The following TACC2 variants were observed in gnomAD, a reference collection of about 807,000 sequenced individuals.
The protein encoded by TACC2 is transforming acidic coiled-coil-containing protein 2.
Under a neutral mutation model 227.3 loss-of-function variants are expected in TACC2, and 137 were observed. The ratio of observed to expected loss-of-function variants is 0.60; its 90% CI spans 0.52 to 0.69. The LOEUF is 0.69. Among genes scored for constraint, TACC2 ranks in the 30% least tolerant of loss-of-function variants. TACC2 has a pLI of 0.00. For synonymous variants in TACC2, 1,523 were observed against 1,487.5 expected, an observed-to-expected ratio of 1.02 and a Z score of -0.55; for missense variants, 3,470 against 3,694.4, an observed-to-expected ratio of 0.94 and a Z score of 1.57.
At chr10:122,082,346 A>G (rs1377565884) in intron 3 of TACC2, among the ~76,000 whole-genome samples, 8 of 152,176 alleles carry the variant, frequency 5.3e-5, no homozygotes. Flanking sequence ...GGTTTCCCAC[A>G]TTTTATACTA....
At chr10:122,196,996 C>T (rs1348996897) in intron 8 of TACC2, among the ~76,000 whole-genome samples, 1 of 150,502 alleles carries the variant, frequency 6.6e-6, no homozygotes, top group African/African-American at 2.4e-5. Context: ...CATGGTGGCT[C>T]ACGCCTGTAA....
rs1366801580 is a variant in TACC2 at position 122,050,078 on chromosome 10, C to T, written c.34-360C>T. ...ATGTGTTTTCATCTCAGGAGTGCCACAAACAAATTGGACACTTTCAAGTCT... is the reference window on the plus strand; with the variant it reads ...ATGTGTTTTCATCTCAGGAGTGCCATAAACAAATTGGACACTTTCAAGTCT... On this transcript the variant is annotated intron_variant, in intron 2 of 22. Coordinates refer to ENST00000369005, the MANE Select transcript of TACC2 (RefSeq NM_206862.4). The surrounding 1 kb of genome is among the most constrained non-coding windows in gnomAD (Gnocchi z 4.6). Among the ~76,000 whole-genome samples, 3 of 152,168 alleles carry T rather than the reference C, an allele frequency of 2.0e-5. No homozygotes were observed. Among genetic ancestry groups the T allele is most frequent in the African/African-American group, 7.2e-5 (3 of 41,432 alleles).
intron 2 of TACC2, among the ~76,000 whole-genome samples, chr10:122,036,293 C>T (rs1469330354): frequency 3.3e-5 from 5 of 149,556 alleles, no homozygotes; most frequent in South Asian, 2.1e-4. Flanking sequence ...CCTGGATTCA[C>T]GCCATTCTCC....
In TACC2 at chr10:122,084,839, A is replaced by G. The variant is rs562599269; in HGVS notation, c.2339A>G (p.His780Arg). Residue 780 changes from histidine (H) to arginine (R), a missense_variant, in exon 4 of 23, where the codon CAT becomes CGT. His to Arg is a conservative substitution (Grantham distance 29). Around this residue, in one of 10 missense-constraint regions of TACC2, gnomAD observed 1,924 missense variants for 1,978.3 expected, o/e 0.97. Coordinates refer to ENST00000369005, the MANE Select transcript of TACC2 (RefSeq NM_206862.4). ...SRQEFHAGVP[H>R]PPQGENLAAD... Reference sequence around the variant, plus strand: ...CAGGAATTTCATGCTGGGGTGCCACATCCCCCCCAGGGGGAGAACTTGGCA... The same window carrying G: ...CAGGAATTTCATGCTGGGGTGCCACGTCCCCCCCAGGGGGAGAACTTGGCA... 2.4e-5 allele frequency: 39 copies of G among 1,613,726 alleles called. No individual in the cohort carries two copies. The African/African-American group carries it at 3.1e-4, about 13-fold the overall frequency.
chr10:122,088,555 C>A lies in TACC2; in HGVS notation c.5537C>A (p.Thr1846Asn), dbSNP rs2080344321. The change falls in exon 5 of 23, where the codon ACT becomes AAT. Residue 1846 changes from threonine (T) to asparagine (N), a missense_variant. Transcript: ENST00000369005. Reference sequence around the variant, plus strand: ...GCTCCAAGAGTCATGGATAAAGTCACTTCAGATGAGACCAGAGGTGCGGAA... The same window carrying A: ...GCTCCAAGAGTCATGGATAAAGTCAATTCAGATGAGACCAGAGGTGCGGAA... ...KDAPRVMDKV[T>N]SDETRGAEGT... The A allele has an allele frequency of 6.2e-7, 1 of 1,613,676 alleles. No homozygotes were observed. Among genetic ancestry groups the A allele is most frequent in the Admixed American group, 1.7e-5 (1 of 59,942 alleles).
chr10:122,011,933 G>A (rs759244590), intron 1 of TACC2, among the ~76,000 whole-genome samples: 54 of 151,994 alleles, frequency 3.6e-4, no homozygotes, highest in Non-Finnish European at 7.4e-4. Context: ...TTTTGTTTTT[G>A]TTTGCTGGTT....
At chr10:122,024,688 C>T (rs2461216) in intron 2 of TACC2, among the ~76,000 whole-genome samples, 151,824 of 152,052 alleles carry the variant, frequency 1, 75,800 homozygotes, top group Middle Eastern at 1. Context: ...GGCTTTTTTT[C>T]TCTCTCAGCA....
chr10:122,174,540 G>A (rs1357250847), intron 7 of TACC2, among the ~76,000 whole-genome samples: 2 of 152,136 alleles, frequency 1.3e-5, no homozygotes, highest in African/African-American at 2.4e-5. Context: ...TGCATAAAGC[G>A]TTTAGGGAAC....
chr10:122,231,590 G>A (rs7081405), intron 16 of TACC2, among the ~76,000 whole-genome samples: 13,800 of 152,242 alleles, frequency 0.091, 1,790 homozygotes, highest in African/African-American at 0.29. Context: ...TCTCCTCGGT[G>A]GGTGGATCCG....
At chr10:122,026,247 G>C (rs1227694157) in intron 2 of TACC2, among the ~76,000 whole-genome samples, 1 of 139,344 alleles carries the variant, frequency 7.2e-6, no homozygotes. Flanking sequence ...AGAATAGCAT[G>C]AACCCGGGAG....
At position 122,227,948 on chromosome 10, in the gene TACC2, ATCC is replaced by A; in HGVS notation, c.7840_7842del (p.Ser2614del). ...AGTCACACTTGCAGGTGCCAGAGAA[ATCC>A]TCCCAGAAGGAGCTGGAGGCCATGG... is the stretch of plus-strand genomic sequence containing the variant. On this transcript the variant is annotated inframe_deletion, in exon 14 of 23. Coordinates refer to ENST00000369005, the MANE Select transcript of TACC2 (RefSeq NM_206862.4). 6.2e-7 allele frequency: 1 copy of A among 1,614,232 alleles called. No individual in the cohort carries two copies. Among genetic ancestry groups the A allele is most frequent in the South Asian group, 1.1e-5 (1 of 91,088 alleles).
chr10:122,108,181 G>A (rs1383708069), intron 5 of TACC2, among the ~76,000 whole-genome samples: 1 of 151,826 alleles, frequency 6.6e-6, no homozygotes, highest in Non-Finnish European at 1.5e-5. Flanking sequence ...GTGAGCCACT[G>A]TGCCCGGCCA....
intron 3 of TACC2, among the ~76,000 whole-genome samples, chr10:122,061,768 T>C (rs1183168888): frequency 6.6e-6 from 1 of 151,990 alleles, no homozygotes; most frequent in African/African-American, 2.4e-5. Flanking sequence ...AATGAATAAT[T>C]CTAGAACAAG....
chr10:122,048,002 A>G lies in TACC2; in HGVS notation c.34-2436A>G, dbSNP rs183369228. On this transcript the variant is annotated intron_variant, in intron 2 of 22. Coordinates refer to ENST00000369005, the MANE Select transcript of TACC2 (RefSeq NM_206862.4). ...AGCCAACCACTCAGGGAAATGCACC[A>G]GGTAGGGGAACCTTAGCCAAAGCTA... Among the ~76,000 whole-genome samples, 420 of 152,322 alleles carry G rather than the reference A, an allele frequency of 2.8e-3. 2 individuals carry two copies. The highest frequency in any genetic ancestry group is 9.7e-3 in the African/African-American group (405 of 41,574).
intron 5 of TACC2, among the ~76,000 whole-genome samples, chr10:122,106,346 T>A (rs908985575): frequency 6.6e-6 from 1 of 152,178 alleles, no homozygotes; most frequent in Non-Finnish European, 1.5e-5. Context: ...TAATTTCACA[T>A]TTTTTCAGTT....
chr10:122,159,420 C>T (rs12241688), intron 7 of TACC2, among the ~76,000 whole-genome samples: 11,490 of 152,230 alleles, frequency 0.075, 751 homozygotes, highest in African/African-American at 0.18. Context: ...CATGTCCCTG[C>T]TCCTGTTGAC....
At chr10:122,215,518 C>T in intron 10 of TACC2, 67 bp downstream of exon 10, 1 of 1,345,976 alleles carries the variant, frequency 7.4e-7, no homozygotes, top group Non-Finnish European at 1.1e-6. Context: ...CGCTTGTTGA[C>T]AAAGCTTTGC....
At chr10:122,171,805 T>A (rs2093484552) in intron 7 of TACC2, among the ~76,000 whole-genome samples, 1 of 152,224 alleles carries the variant, frequency 6.6e-6, no homozygotes, top group Non-Finnish European at 1.5e-5. Flanking sequence ...ATGCAATGGA[T>A]GGTTAATTTG....
chr10:122,235,587 A>G (rs2095841914), intron 16 of TACC2, among the ~76,000 whole-genome samples: 3 of 152,066 alleles, frequency 2.0e-5, no homozygotes, highest in Non-Finnish European at 4.4e-5. Flanking sequence ...CATAAGGACA[A>G]ATATTGAGTC....
Sources: gnomAD v4.1 joint callset for allele counts (sites outside exome capture counted in the v4.1 genomes callset) on GRCh38, gnomAD v4.1.1 for gene constraint, gnomAD v4.1.1 regional missense constraint, Gnocchi (gnomAD v3.1) non-coding constraint, MANE v1.5 for transcripts, NCBI Gene and HGNC (gene_info 2026-07-23, HGNC 2026-07-21) for gene names.